The following ZNF550 variants were observed in gnomAD, a reference collection of about 807,000 sequenced individuals.
ZNF550 encodes the protein zinc finger protein 550.
Under a neutral mutation model 40.2 loss-of-function variants are expected in ZNF550, and 42 were observed. The ratio of observed to expected loss-of-function variants is 1.05; its 90% CI spans 0.82 to 1.35. The LOEUF (loss-of-function observed/expected upper bound fraction) is 1.35. ZNF550 is among the 40% of genes most tolerant of loss of function. ZNF550 has a pLI of 0.00. For missense variants in ZNF550, 549 were observed against 525.2 expected (o/e 1.05, Z -0.44); for synonymous variants, 223 against 198.6 (o/e 1.12, Z -1.03).
chr19:57,558,110 C>T (rs892249801), intron 1 of ZNF550, among the ~76,000 whole-genome samples: 6 of 152,294 alleles, frequency 3.9e-5, no homozygotes, highest in East Asian at 1.9e-4. Context: ...ATTTGAGCAC[C>T]GCTAAAACAC....
At chr19:57,543,287 A>G (rs2089977724) in intron 4 of ZNF550, 1 of 740,570 alleles carries the variant, frequency 1.4e-6, no homozygotes, top group African/African-American at 1.9e-5. Flanking sequence ...ACATTTCCAC[A>G]TGTGCATGAA....
In ZNF550 at chr19:57,546,770, A is replaced by G. The variant is rs535428935; in HGVS notation, c.*205T>C. On this transcript the variant is annotated 3_prime_UTR_variant, in exon 4 of 5. Transcript: ENST00000457177. ...TGAGAACTGAGTGGTGACTGAAGGG[A>G]TCCTTACATTCACTGTATTCACAGG... 12 of 1,356,386 alleles carry G rather than the reference A, an allele frequency of 8.8e-6. No individual in the cohort carries two copies. The African/African-American group carries it at 1.7e-4, about 20-fold the overall frequency. 84.0% of individuals were successfully genotyped at this position (1,356,386 alleles called of 1,614,324 possible).
At chr19:57,551,799 C>T (rs186356795) in intron 3 of ZNF550, among the ~76,000 whole-genome samples, 2 of 152,338 alleles carry the variant, frequency 1.3e-5, no homozygotes, top group East Asian at 3.9e-4. Flanking sequence ...TCCAGCTACA[C>T]TCATCAGCAC....
intron 3 of ZNF550, among the ~76,000 whole-genome samples, chr19:57,551,663 G>A (rs1414171909): frequency 6.6e-6 from 1 of 152,160 alleles, no homozygotes; most frequent in Middle Eastern, 3.2e-3. Context: ...CACTTAAGTG[G>A]AGATGTGGGA....
chr19:57,558,859 T>C (rs747209246), intron 1 of ZNF550, among the ~76,000 whole-genome samples: 4 of 152,198 alleles, frequency 2.6e-5, no homozygotes, highest in Admixed American at 1.3e-4. Flanking sequence ...AAAGGGACAC[T>C]ACATCCTGCA....
chr19:57,559,801 T>C, exon 1 of ZNF550: 2 of 923,634 alleles, frequency 2.2e-6, no homozygotes, highest in South Asian at 3.5e-5. Flanking sequence ...CCCAGCACAG[T>C]TCTGAGAGCG....
Position 57,552,152 on chromosome 19 carries a change from C to A in ZNF550, c.250+475G>T, listed in dbSNP as rs531347267. On this transcript the variant is annotated intron_variant, in intron 3 of 4. Transcript: ENST00000457177. Reference sequence around the variant, plus strand: ...CATGTGTTATCTCTACATCCTCTAACAACTCAATGACACAGAAATTATATC... The same window carrying A: ...CATGTGTTATCTCTACATCCTCTAAAAACTCAATGACACAGAAATTATATC... Among the ~76,000 whole-genome samples, 10 of 152,350 alleles carry A rather than the reference C, an allele frequency of 6.6e-5. No individual in the cohort carries two copies. The South Asian group carries it at 2.1e-3, about 32-fold the overall frequency.
exon 4 of ZNF550, chr19:57,547,565 C>T (rs758740480): frequency 1.2e-6 from 2 of 1,614,198 alleles, no homozygotes; most frequent in South Asian, 2.2e-5. Context: ...GGTTTCATTC[C>T]AGTGTGAACC....
At chr19:57,543,595 A>T (rs1461412740) in intron 4 of ZNF550, 1 of 984,758 alleles carries the variant, frequency 1.0e-6, no homozygotes, top group African/African-American at 1.7e-5. Context: ...CTTTTTATCT[A>T]ATTTGTTCAT....
intron 3 of ZNF550, among the ~76,000 whole-genome samples, chr19:57,550,975 T>C (rs1275150173): frequency 6.6e-6 from 1 of 152,234 alleles, no homozygotes; most frequent in Non-Finnish European, 1.5e-5. Flanking sequence ...TACACTTTTT[T>C]TTGTTTGTTT....
chr19:57,556,508 G>A (rs2090122877), intron 1 of ZNF550, 151 bp from the exon 2 acceptor site: 4 of 943,908 alleles, frequency 4.2e-6, no homozygotes, highest in South Asian at 3.3e-5. Context: ...GCTCAAAGGG[G>A]AGGCAGATAC....
At chr19:57,547,397 C>T (rs2090025837) in exon 4 of ZNF550, 1 of 1,611,228 alleles carries the variant, frequency 6.2e-7, no homozygotes, top group African/African-American at 1.3e-5. Context: ...GGTTTCTCTC[C>T]AGTGTGGATT....
exon 4 of ZNF550, chr19:57,546,692 G>A: frequency 1.7e-6 from 2 of 1,182,860 alleles, no homozygotes; most frequent in Non-Finnish European, 2.1e-6. Context: ...GTTCTCTGAT[G>A]TTGATGGAAT....
chr19:57,546,904 G>T, exon 4 of ZNF550: 2 of 1,516,362 alleles, frequency 1.3e-6, no homozygotes, highest in East Asian at 2.3e-5. Flanking sequence ...CTACAGTGTG[G>T]GTCCCATTAT....
chr19:57,552,038 A>G (rs2090076941), intron 3 of ZNF550, among the ~76,000 whole-genome samples: 1 of 152,254 alleles, frequency 6.6e-6, no homozygotes, highest in African/African-American at 2.4e-5. Context: ...GTATGACATT[A>G]CATTTATGAT....
Position 57,547,651 on chromosome 19 carries a change from G to A in ZNF550, c.593C>T (p.Ala198Val). ...CTTGCATTTGTAGGGGTTTGTCCCT[G>A]CATGAATCAAGGCGTCTTTCCCTGG... Residue 198 changes from alanine (A) to valine (V), a missense_variant, in exon 4 of 5, where the codon GCA (alanine) becomes GTA (valine). Transcript: ENST00000457177. The A allele has an allele frequency of 6.2e-6, 10 of 1,614,176 alleles. No homozygotes were observed. In the South Asian group the frequency reaches 8.8e-5, roughly 14 times the overall value.
exon 4 of ZNF550, chr19:57,546,912 T>G: frequency 6.5e-7 from 1 of 1,534,204 alleles, no homozygotes; most frequent in Non-Finnish European, 8.8e-7. Context: ...TGGGTCCCAT[T>G]ATGAATGATA....
intron 4 of ZNF550, chr19:57,543,277 A>G: frequency 1.3e-6 from 1 of 790,250 alleles, no homozygotes; most frequent in East Asian, 1.3e-4. Context: ...AACATTTCAA[A>G]CATTTCCACA....
rs928645384 is a variant in ZNF550 at position 57,544,662 on chromosome 19, G to A, written c.*519-1419C>T. On this transcript the variant is annotated intron_variant, in intron 4 of 4. Transcript: ENST00000457177. ...ATGTGCAAAAGGACCACAGTAAAAG[G>A]TACATGCCCACTATGAAAACATGAA... is the stretch of plus-strand genomic sequence containing the variant. 8 of 933,542 alleles carry A rather than the reference G, an allele frequency of 8.6e-6. No individual in the cohort carries two copies. In the Admixed American group the frequency reaches 3.1e-4, roughly 36 times the overall value. 57.8% of individuals were successfully genotyped at this position (933,542 alleles called of 1,614,324 possible). A position where few individuals can be genotyped will look rare whatever the true frequency, so the allele number is the denominator to read the frequency against.
Sources: gnomAD v4.1 joint callset for allele counts (sites outside exome capture counted in the v4.1 genomes callset) on GRCh38, gnomAD v4.1.1 for gene constraint, MANE v1.5 for transcripts, NCBI Gene and HGNC (gene_info 2026-07-23, HGNC 2026-07-21) for gene names.